MPP7: variants seen among roughly 807,000 people sequenced by gnomAD.
The protein encoded by MPP7 is MAGUK p55 scaffold protein 7.
Under a neutral mutation model 76.5 loss-of-function variants are expected in MPP7, and 60 were observed. The observed-to-expected ratio is 0.78, with a 90% CI of 0.64 to 0.97. The LOEUF (loss-of-function observed/expected upper bound fraction) is 0.97. MPP7 is among the 50% of genes least tolerant of loss of function. The pLI is 0.00. For synonymous variants in MPP7, 237 were observed against 244.5 expected, an observed-to-expected ratio of 0.97 and a Z score of 0.29; for missense variants, 641 against 694.0, an observed-to-expected ratio of 0.92 and a Z score of 0.86.
At chr10:28,068,468 C>A (rs1488504902) in intron 13 of MPP7, among the ~76,000 whole-genome samples, 2 of 150,608 alleles carry the variant, frequency 1.3e-5, no homozygotes, top group Non-Finnish European at 3.0e-5. Context: ...TCAATTTAGC[C>A]TTTTAGACAG....
chr10:28,327,231 T>TAAAAAAAAAAAAAA (rs59442840), intron 2 of MPP7, among the ~76,000 whole-genome samples: 1 of 95,752 alleles, frequency 1.0e-5, no homozygotes, highest in Non-Finnish European at 2.2e-5. Context: ...GTCAAAGAAG[T>TAAAAAAAAAAAAAA]AAAAAAAAAA....
chr10:28,176,842 A>T (rs1414666115), intron 3 of MPP7, among the ~76,000 whole-genome samples: 1 of 137,432 alleles, frequency 7.3e-6, no homozygotes, highest in African/African-American at 2.7e-5. Flanking sequence ...ACACTTGGAC[A>T]CAGGACGGGG....
rs560243426 is a variant in MPP7 at position 28,216,366 on chromosome 10, T to C, written c.38-14095A>G. Among the ~76,000 whole-genome samples the C allele has an allele frequency of 2.3e-4, 35 of 152,248 alleles. 1 individual carries two copies. Among genetic ancestry groups the C allele is most frequent in the African/African-American group, 6.7e-4 (28 of 41,536 alleles). On this transcript the variant is annotated intron_variant, in intron 2 of 16. Coordinates refer to ENST00000683449, the MANE Select transcript of MPP7 (RefSeq NM_001318170.2). Reference sequence around the variant, plus strand: ...TTCAATATAAAGATAATGCAACATATATTTGCAAGAGACAACTATAATTTT... The same window carrying C: ...TTCAATATAAAGATAATGCAACATACATTTGCAAGAGACAACTATAATTTT...
intron 2 of MPP7, among the ~76,000 whole-genome samples, chr10:28,311,426 G>A (rs1489162266): frequency 6.6e-6 from 1 of 152,146 alleles, no homozygotes; most frequent in Non-Finnish European, 1.5e-5. Flanking sequence ...GACCATATGT[G>A]TTACAGTAAC....
chr10:28,062,651 A>T (rs1364998392), intron 13 of MPP7, among the ~76,000 whole-genome samples: 3 of 151,972 alleles, frequency 2.0e-5, no homozygotes, highest in Admixed American at 2.0e-4. Flanking sequence ...CAGACAAAAC[A>T]ATCATCTCAA....
chr10:28,306,664 T>TAGAGAGAG (rs772241963), upstream of MPP7, among the ~76,000 whole-genome samples: 70 of 41,256 alleles, frequency 1.7e-3, 1 homozygote, highest in African/African-American at 3.1e-3. Context: ...AGATGATAGA[T>TAGAGAGAG]AGATAGAGAG....
intron 10 of MPP7, 48 bp from the exon 11 acceptor site, chr10:28,119,763 G>C (rs762116169): frequency 2.1e-6 from 3 of 1,437,262 alleles, no homozygotes; most frequent in Non-Finnish European, 2.9e-6. Context: ...GCACAGGTCC[G>C]AGGTGAATAC....
intron 13 of MPP7, among the ~76,000 whole-genome samples, chr10:28,066,739 T>C (rs1041266881): frequency 6.6e-6 from 1 of 152,206 alleles, no homozygotes; most frequent in African/African-American, 2.4e-5. Context: ...GTTGCCTTTA[T>C]TGCAATTATA....
At chr10:28,238,172 A>T (rs1839140980) in intron 2 of MPP7, among the ~76,000 whole-genome samples, 1 of 148,258 alleles carries the variant, frequency 6.7e-6, no homozygotes, top group Non-Finnish European at 1.5e-5. Context: ...TTTCTTAAAG[A>T]AAAAAAAAAG....
chr10:28,097,534 G>A (rs1853625161), intron 11 of MPP7, among the ~76,000 whole-genome samples: 1 of 151,882 alleles, frequency 6.6e-6, no homozygotes, highest in South Asian at 2.1e-4. Flanking sequence ...CAAAGCTTTG[G>A]TTCAAGTATT....
At chr10:28,115,877 A>C (rs1247043493) in intron 11 of MPP7, among the ~76,000 whole-genome samples, 1 of 152,214 alleles carries the variant, frequency 6.6e-6, no homozygotes, top group East Asian at 1.9e-4. Flanking sequence ...ATTCTACAAT[A>C]AAATATTTTG....
Position 28,058,582 on chromosome 10 carries a change from A to G in MPP7, c.1320T>C (p.Tyr440=). The G allele has an allele frequency of 6.3e-7, 1 of 1,589,270 alleles. No homozygotes were observed. Among genetic ancestry groups the G allele is most frequent in the Non-Finnish European group, 8.6e-7 (1 of 1,163,868 alleles). The change falls in exon 15 of 17, where the codon TAT becomes TAC. Residue 440 remains tyrosine (Y), a synonymous_variant. Coordinates refer to ENST00000683449, the MANE Select transcript of MPP7 (RefSeq NM_001318170.2). The part of the protein sequence containing the change: ...QNNKFIEYGE[Y]KNNYYGTSID... ...TACTTGTGCCGTAGTAGTTGTTTTT[A>G]TATTCTCCATATTCAATAAACCTGT...
intron 3 of MPP7, among the ~76,000 whole-genome samples, chr10:28,158,132 G>A (rs1466356633): frequency 1.3e-5 from 2 of 152,132 alleles, no homozygotes; most frequent in Non-Finnish European, 2.9e-5. Context: ...CCGTGGAAGA[G>A]GATGATAAAT....
At chr10:28,268,044 C>A (rs1840202390) in intron 1 of MPP7, among the ~76,000 whole-genome samples, 1 of 151,500 alleles carries the variant, frequency 6.6e-6, no homozygotes, top group Admixed American at 6.6e-5. Flanking sequence ...CCTCAAAAAA[C>A]AAAAACAAAC....
chr10:28,273,033 C>T (rs1229924333), intron 1 of MPP7, among the ~76,000 whole-genome samples: 1 of 151,662 alleles, frequency 6.6e-6, no homozygotes, highest in East Asian at 1.9e-4. Flanking sequence ...TCTCCTGCCT[C>T]AGCCTCCCCA....
chr10:28,331,465 T>C (rs1002226056), intron 1 of MPP7, among the ~76,000 whole-genome samples: 6 of 152,210 alleles, frequency 3.9e-5, no homozygotes, highest in Non-Finnish European at 7.3e-5. Flanking sequence ...ACCCTAATTG[T>C]TGGTCTCGCT....
At chr10:28,300,988 G>A (rs565306868) in intron 1 of MPP7, among the ~76,000 whole-genome samples, 2 of 150,010 alleles carry the variant, frequency 1.3e-5, no homozygotes, top group African/African-American at 4.9e-5. Flanking sequence ...TAATCCATAA[G>A]ACATTTTCAT....
At chr10:28,100,121 TAAA>T (rs10552894) in intron 11 of MPP7, among the ~76,000 whole-genome samples, 29 of 139,944 alleles carry the variant, frequency 2.1e-4, no homozygotes, top group East Asian at 1.0e-3. Flanking sequence ...TTAAGAAGAT[TAAA>T]AAAAAAAAAA....
chr10:28,224,561 A>G (rs1414718316), intron 2 of MPP7, among the ~76,000 whole-genome samples: 3 of 152,220 alleles, frequency 2.0e-5, no homozygotes, highest in Non-Finnish European at 2.9e-5. Flanking sequence ...TATGTCCTTC[A>G]TTAAATTAAA....
Sources: allele counts gnomAD v4.1 joint callset (sites outside exome capture counted in the v4.1 genomes callset), GRCh38; gene constraint gnomAD v4.1.1; transcripts MANE v1.5; gene names NCBI Gene and HGNC (gene_info 2026-07-23, HGNC 2026-07-21).